Variants in LSAMP observed in about 807,000 individuals in gnomAD.
LSAMP encodes the protein limbic system-associated membrane protein.
A neutral mutation model predicts 38.6 loss-of-function variants in LSAMP; 7 were observed. The observed-to-expected ratio is 0.18, with a 90% CI of 0.10 to 0.34. The LOEUF is 0.34. Ranked by LOEUF, LSAMP falls within the 10% of genes least tolerant of loss-of-function variation. The pLI, the probability that LSAMP is intolerant of heterozygous loss-of-function variation, is 1.00. For missense variants in LSAMP, 313 were observed against 420.0 expected (o/e 0.75, Z 2.23); for synonymous variants, 154 against 166.8 (o/e 0.92, Z 0.59).
At chr3:116,441,363 A>T (rs1268939885) in intron 1 of LSAMP, among the ~76,000 whole-genome samples, 1 of 152,208 alleles carries the variant, frequency 6.6e-6, no homozygotes, top group Non-Finnish European at 1.5e-5. Context: ...ATGTGTATGT[A>T]CGTTTTACAA....
intron 1 of LSAMP, among the ~76,000 whole-genome samples, chr3:116,216,560 GA>G (rs11356371): frequency 0.31 from 43,732 of 142,402 alleles, 6,727 homozygotes; most frequent in African/African-American, 0.42. Context: ...CAAAGAATGA[GA>G]AAAAAAAAAA....
intron 3 of LSAMP, among the ~76,000 whole-genome samples, chr3:116,000,530 C>T (rs1267487484): frequency 2.0e-5 from 3 of 152,262 alleles, no homozygotes; most frequent in African/African-American, 2.4e-5. Context: ...GCACCTGGTA[C>T]ACTGAGGGCT....
intron 1 of LSAMP, among the ~76,000 whole-genome samples, chr3:116,350,418 A>T (rs962318039): frequency 3.3e-5 from 5 of 152,038 alleles, no homozygotes; most frequent in Non-Finnish European, 5.9e-5. Context: ...GAAAATATTA[A>T]ATGGAAAATT....
At chr3:116,036,661 T>A (rs993467105) in intron 2 of LSAMP, among the ~76,000 whole-genome samples, 1 of 152,086 alleles carries the variant, frequency 6.6e-6, no homozygotes, top group Non-Finnish European at 1.5e-5. Context: ...TTTTATAAAA[T>A]GCATAGTGTC....
At chr3:116,329,625 A>G (rs548761195) in intron 1 of LSAMP, among the ~76,000 whole-genome samples, 38 of 152,316 alleles carry the variant, frequency 2.5e-4, no homozygotes, top group African/African-American at 9.1e-4. Context: ...TCAATATTCA[A>G]AAGTAATTAT....
intron 2 of LSAMP, among the ~76,000 whole-genome samples, chr3:116,083,851 G>A (rs543029518): frequency 1.3e-5 from 2 of 152,296 alleles, no homozygotes; most frequent in South Asian, 4.1e-4. Flanking sequence ...GGGGCACAAG[G>A]CTGAATGCCC....
intron 3 of LSAMP, among the ~76,000 whole-genome samples, chr3:115,907,954 C>T (rs1937050158): frequency 6.6e-6 from 1 of 152,058 alleles, no homozygotes; most frequent in Non-Finnish European, 1.5e-5. Context: ...TCTCATGTCA[C>T]AGATGACTTC....
At chr3:116,323,519 T>C (rs2047733488) in intron 1 of LSAMP, among the ~76,000 whole-genome samples, 1 of 152,154 alleles carries the variant, frequency 6.6e-6, no homozygotes, top group African/African-American at 2.4e-5. Context: ...AGTTCATATT[T>C]TTTCAACCTC....
chr3:115,815,069 C>T (rs961139348), intron 6 of LSAMP, among the ~76,000 whole-genome samples: 1 of 152,048 alleles, frequency 6.6e-6, no homozygotes, highest in East Asian at 1.9e-4. Flanking sequence ...ATACGGTAGT[C>T]CCCCCTTATC....
In LSAMP at chr3:116,029,543, C is replaced by T. The variant is rs1335227512; in HGVS notation, c.389-9903G>A. Among the ~76,000 whole-genome samples, 5 of 152,112 alleles carry T rather than the reference C, an allele frequency of 3.3e-5. No individual in the cohort carries two copies. In the East Asian group the frequency reaches 7.7e-4, roughly 24 times the overall value. On this transcript the variant is annotated intron_variant, in intron 2 of 6. Transcript: ENST00000490035. Reference sequence around the variant, plus strand: ...CAAGGTAAGAGAGATAATATGCTAACTATTTAGAAGAAAAGATAAAATGTA... The same window carrying T: ...CAAGGTAAGAGAGATAATATGCTAATTATTTAGAAGAAAAGATAAAATGTA...
At chr3:116,300,471 C>A (rs76281645) in intron 1 of LSAMP, among the ~76,000 whole-genome samples, 4 of 152,142 alleles carry the variant, frequency 2.6e-5, no homozygotes, top group African/African-American at 9.7e-5. Context: ...CAGGGGTCCC[C>A]AGCCCCATAC....
At chr3:116,342,339 A>G (rs1307621179) in intron 1 of LSAMP, among the ~76,000 whole-genome samples, 1 of 152,082 alleles carries the variant, frequency 6.6e-6, no homozygotes, top group Admixed American at 6.6e-5. Flanking sequence ...AATGCACATC[A>G]AATCTTTCTT....
intron 2 of LSAMP, among the ~76,000 whole-genome samples, chr3:116,084,602 G>C (rs1396019388): frequency 6.6e-6 from 1 of 151,984 alleles, no homozygotes; most frequent in Non-Finnish European, 1.5e-5. Context: ...ACTTCTATTT[G>C]CTCATCTAGA....
intron 2 of LSAMP, among the ~76,000 whole-genome samples, chr3:116,072,752 G>GTTTTTT (rs36091421): frequency 8.9e-5 from 10 of 112,344 alleles, no homozygotes; most frequent in African/African-American, 2.3e-4. Context: ...GTTGTTTGTG[G>GTTTTTT]TTTTTTTTTT....
At chr3:116,042,952 C>A (rs1379613590) in intron 2 of LSAMP, among the ~76,000 whole-genome samples, 1 of 152,114 alleles carries the variant, frequency 6.6e-6, no homozygotes, top group Non-Finnish European at 1.5e-5. Flanking sequence ...CAATCTATCC[C>A]TGATCTGTTT....
rs1023440482 is a variant in LSAMP at position 116,437,400 on chromosome 3, GA to G, written c.155+7476del. Among the ~76,000 whole-genome samples, 73 of 150,598 alleles carry G rather than the reference GA, an allele frequency of 4.8e-4. 1 individual carries two copies. Among genetic ancestry groups the G allele is most frequent in the Non-Finnish European group, 2.4e-4 (16 of 67,572 alleles). On this transcript the variant is annotated intron_variant, in intron 1 of 6. Coordinates refer to ENST00000490035, the MANE Select transcript of LSAMP (RefSeq NM_002338.5). Reference sequence around the variant, plus strand: ...ACCACCTGTATCCCAATAACTTATGGAAAAAAAAATAATAAAAACCAATAAG... The same window carrying G: ...ACCACCTGTATCCCAATAACTTATGGAAAAAAAATAATAAAAACCAATAAG...
Position 116,096,746 on chromosome 3 carries a change from T to C in LSAMP, c.156-10190A>G, listed in dbSNP as rs75107255. On this transcript the variant is annotated intron_variant, in intron 1 of 6. Transcript: ENST00000490035. ...CTGTGCTTTGTGATCCCCTGAGATC[T>C]GCTGGCTGAATTGGAGTTCCACCTG... Among the ~76,000 whole-genome samples, 1,516 of 152,334 alleles carry C rather than the reference T, an allele frequency of 1.0e-2. 21 individuals are homozygous for C. The highest frequency in any genetic ancestry group is 0.033 in the African/African-American group (1,364 of 41,582).
At chr3:116,041,723 T>G (rs1231055111) in intron 2 of LSAMP, among the ~76,000 whole-genome samples, 3 of 150,590 alleles carry the variant, frequency 2.0e-5, no homozygotes, top group Non-Finnish European at 2.9e-5. Context: ...AGATAACACT[T>G]GATTTTAATT....
chr3:116,173,925 A>G (rs1440321201), intron 1 of LSAMP, among the ~76,000 whole-genome samples: 1 of 151,896 alleles, frequency 6.6e-6, no homozygotes, highest in Non-Finnish European at 1.5e-5. Flanking sequence ...CCCTTTTGAA[A>G]AAGTATCCAG....
Sources: gnomAD v4.1 joint callset for allele counts (sites outside exome capture counted in the v4.1 genomes callset) on GRCh38, gnomAD v4.1.1 for gene constraint, MANE v1.5 for transcripts, NCBI Gene and HGNC (gene_info 2026-07-23, HGNC 2026-07-21) for gene names.